KIF15: variants seen among roughly 807,000 people sequenced by gnomAD.
The protein encoded by KIF15 is kinesin family member 15, also known as kinesin-like protein KIF15.
Under a neutral mutation model 190.6 loss-of-function variants are expected in KIF15, and 140 were observed. The observed-to-expected ratio is 0.73, with a 90% confidence interval of 0.64 to 0.84. KIF15 has a LOEUF of 0.84. Among genes scored for constraint, KIF15 ranks in the 40% least tolerant of loss-of-function variants. The pLI is 0.00. For missense variants in KIF15, 1,372 were observed against 1,584.4 expected, an observed-to-expected ratio of 0.87 and a Z score of 2.28; for synonymous variants, 528 against 551.3, an observed-to-expected ratio of 0.96 and a Z score of 0.59.
intron 6 of KIF15, 35 bp downstream of exon 6, chr3:44,784,977 A>C: frequency 1.7e-6 from 2 of 1,165,546 alleles, no homozygotes; most frequent in Non-Finnish European, 2.5e-6. Flanking sequence ...GTTCTATGAA[A>C]TGTCTAATTT....
chr3:44,785,072 T>TAA, intron 6 of KIF15, 130 bp downstream of exon 6: 1 of 500,276 alleles, frequency 2.0e-6, no homozygotes, highest in Non-Finnish European at 3.5e-6. Context: ...TAGCGTGGCA[T>TAA]AAAAAAAAAC....
At chr3:44,781,899 TTC>T (rs1384092936) in intron 5 of KIF15, among the ~76,000 whole-genome samples, 3 of 152,214 alleles carry the variant, frequency 2.0e-5, no homozygotes, top group African/African-American at 7.2e-5. Flanking sequence ...TTTGTGGATA[TTC>T]CTTATAAAAC....
At chr3:44,864,394 G>A (rs758965152) in intron 6 of KIF15, 1 of 1,610,658 alleles carries the variant, frequency 6.2e-7, no homozygotes, top group East Asian at 2.2e-5. Flanking sequence ...GGTTCTGGGT[G>A]AGTTGTCTTT....
chr3:44,785,876 G>C (rs1288871479), intron 6 of KIF15, among the ~76,000 whole-genome samples: 1 of 152,134 alleles, frequency 6.6e-6, no homozygotes, highest in Non-Finnish European at 1.5e-5. Flanking sequence ...GAGGCCTCTA[G>C]GGTGCCTGGC....
At position 44,810,737 on chromosome 3, in the gene KIF15, T is replaced by G. The variant is rs1434901431; in HGVS notation, c.1972-109T>G. ...ACTGTGTCTCAAGGGTACTTTTTCCTTTCTTTTCATGAATAGTATTTCAAT... is the reference window on the plus strand; with the variant it reads ...ACTGTGTCTCAAGGGTACTTTTTCCGTTCTTTTCATGAATAGTATTTCAAT... On this transcript the variant is annotated intron_variant, in intron 16 of 34. Transcript: ENST00000326047. 32 of 929,814 alleles carry G rather than the reference T, an allele frequency of 3.4e-5. No homozygotes were observed. In the Admixed American group the frequency reaches 9.5e-4, roughly 28 times the overall value. The allele number at this position is 929,814 out of a possible 1,614,324, so 57.6% of individuals were successfully genotyped here.
chr3:44,842,476 A>G (rs201611785), intron 29 of KIF15, among the ~76,000 whole-genome samples: 1 of 152,192 alleles, frequency 6.6e-6, no homozygotes, highest in East Asian at 1.9e-4. Flanking sequence ...ACTTTAACCA[A>G]GGGATGTATA....
chr3:44,799,269 C>G (rs1398544070), intron 10 of KIF15: 2 of 456,556 alleles, frequency 4.4e-6, no homozygotes, highest in Admixed American at 2.3e-5. Context: ...AAACCAAGAG[C>G]CTTCTACTAG....
At chr3:44,846,913 T>C (rs1055996205) in intron 30 of KIF15, among the ~76,000 whole-genome samples, 4 of 151,966 alleles carry the variant, frequency 2.6e-5, no homozygotes, top group African/African-American at 9.7e-5. Context: ...CACAACCTGT[T>C]TTGTAAATAA....
At chr3:44,859,080 T>C (rs1450740409) in intron 6 of KIF15, among the ~76,000 whole-genome samples, 1 of 152,164 alleles carries the variant, frequency 6.6e-6, no homozygotes, top group Non-Finnish European at 1.5e-5. Flanking sequence ...GGGACACGGC[T>C]TAGGAGGAAT....
At chr3:44,835,750 G>A (rs1020734542) in intron 26 of KIF15, among the ~76,000 whole-genome samples, 2 of 152,170 alleles carry the variant, frequency 1.3e-5, no homozygotes, top group African/African-American at 2.4e-5. Context: ...AAGGAATTTA[G>A]TGTAATGGTA....
chr3:44,850,085 G>C (rs961579262), intron 32 of KIF15, among the ~76,000 whole-genome samples: 5 of 152,194 alleles, frequency 3.3e-5, no homozygotes, highest in Non-Finnish European at 5.9e-5. Context: ...AAGGAGTTTT[G>C]ATAGGGTACT....
At chr3:44,776,609 G>A (rs1705904316) in intron 3 of KIF15, among the ~76,000 whole-genome samples, 1 of 152,092 alleles carries the variant, frequency 6.6e-6, no homozygotes, top group East Asian at 1.9e-4. Context: ...TGGAGCCAGT[G>A]GATGATTGAG....
intron 30 of KIF15, among the ~76,000 whole-genome samples, chr3:44,844,208 T>A (rs1200410487): frequency 6.6e-6 from 1 of 152,242 alleles, no homozygotes; most frequent in Non-Finnish European, 1.5e-5. Context: ...ACCCCTGATA[T>A]GAGTTGTTCA....
chr3:44,784,876 C>A lies in KIF15; in HGVS notation c.393C>A (p.Asn131Lys). Residue 131 changes from asparagine to lysine, a missense_variant, in exon 6 of 35, where the codon AAC (asparagine) becomes AAA (lysine). Asn to Lys is a moderately conservative substitution (Grantham distance 94). Transcript: ENST00000326047. Reference protein sequence around the residue: ...GPSESDNFSHNLRGVIPRSFE... With the variant: ...GPSESDNFSHKLRGVIPRSFE... ...CTGAATCTGATAATTTTTCTCATAA[C>A]CTGAGAGGAGTAATCCCACGAAGTT... is the stretch of plus-strand genomic sequence containing the variant. 2 of 1,563,850 alleles carry A rather than the reference C, an allele frequency of 1.3e-6. No homozygotes were observed. The highest frequency in any genetic ancestry group is 1.7e-6 in the Non-Finnish European group (2 of 1,148,346).
chr3:44,782,568 A>G (rs1706220123), intron 5 of KIF15, among the ~76,000 whole-genome samples: 1 of 152,238 alleles, frequency 6.6e-6, no homozygotes, highest in Non-Finnish European at 1.5e-5. Flanking sequence ...GAGGGAATAC[A>G]CAATTAAAAG....
intron 1 of KIF15, among the ~76,000 whole-genome samples, chr3:44,763,272 C>G (rs559512841): frequency 6.6e-6 from 1 of 152,284 alleles, no homozygotes; most frequent in South Asian, 2.1e-4. Context: ...GTCTTTGCAA[C>G]TTTTACTTTG....
At chr3:44,832,347 T>A (rs1437437957) in intron 26 of KIF15, among the ~76,000 whole-genome samples, 1 of 152,046 alleles carries the variant, frequency 6.6e-6, no homozygotes, top group East Asian at 1.9e-4. Flanking sequence ...TGCATAGACA[T>A]TGAACCCAGG....
chr3:44,838,352 G>C lies in KIF15; in HGVS notation c.3249G>C (p.Ser1083=). 6.2e-7 allele frequency: 1 copy of C among 1,613,946 alleles called. No individual in the cohort carries two copies. The highest frequency in any genetic ancestry group is 1.1e-5 in the South Asian group (1 of 91,056). ...NMLTEASKKH[S]GLLQSAQEEL... is the part of the protein sequence containing the mutation. ...TCACAGAGGCCTCAAAAAAACACTC[G>C]GGGCTGCTGCAGTCTGCCCAGGAAG... Residue 1083 remains serine (S), a synonymous_variant, in exon 27 of 35, where the codon TCG becomes TCC. Transcript: ENST00000326047.
intron 1 of KIF15, among the ~76,000 whole-genome samples, chr3:44,766,889 C>T (rs1239430352): frequency 6.9e-6 from 1 of 145,510 alleles, no homozygotes; most frequent in Non-Finnish European, 1.5e-5. Context: ...CGGCTCACTG[C>T]AAGCTCCGCC....
Sources: gnomAD v4.1 joint callset for allele counts (sites outside exome capture counted in the v4.1 genomes callset) on GRCh38, gnomAD v4.1.1 for gene constraint, MANE v1.5 for transcripts, NCBI Gene and HGNC (gene_info 2026-07-23, HGNC 2026-07-21) for gene names.